The following PC variants were observed in gnomAD, a reference collection of about 807,000 sequenced individuals.
PC encodes pyruvate carboxylase, also known as pyruvate carboxylase, mitochondrial.
In PC, 46 loss-of-function variants were observed where a neutral mutation model predicts 107.8. The observed-to-expected ratio is 0.43, with a 90% confidence interval of 0.34 to 0.55. The LOEUF (loss-of-function observed/expected upper bound fraction) is 0.55. Ranked by LOEUF, PC falls within the 20% of genes least tolerant of loss-of-function variation. The pLI is 0.04. For synonymous variants in PC, 662 were observed against 684.7 expected (o/e 0.97, Z 0.52); for missense variants, 1,241 against 1,643.1 (o/e 0.76, Z 4.23).
chr11:66,950,821 T>C (rs1949416979), intron 3 of PC, among the ~76,000 whole-genome samples: 1 of 152,122 alleles, frequency 6.6e-6, no homozygotes, highest in Admixed American at 6.6e-5. Context: ...TTCAGTTCCA[T>C]AAGACAAGTG....
intron 3 of PC, among the ~76,000 whole-genome samples, chr11:66,946,430 A>G (rs187736119): frequency 6.6e-6 from 1 of 152,188 alleles, no homozygotes; most frequent in Admixed American, 6.6e-5. Flanking sequence ...GGAGTTCGAG[A>G]TCAGCCTGGC....
At position 66,937,240 on chromosome 11, in the gene PC, T is replaced by C. The variant is rs574410206; in HGVS notation, c.-1+15190A>G. 2.0e-5 allele frequency among the ~76,000 whole-genome samples: 3 copies of C among 152,276 alleles called. No homozygotes were observed. In the South Asian group the frequency reaches 6.2e-4, roughly 32 times the overall value. On this transcript the variant is annotated intron_variant, in intron 3 of 22. Coordinates refer to ENST00000393960, the MANE Select transcript of PC (RefSeq NM_001040716.2). ...CCTGAAGACAAAGAGGTCAGGACCA[T>C]CTAAGACTCAAAAGTCCAATAATTA...
chr11:66,870,596 C>T lies in PC; in HGVS notation c.752-143G>A. 1 of 1,172,562 alleles carries T rather than the reference C, an allele frequency of 8.5e-7. No individual in the cohort carries two copies. The highest frequency in any genetic ancestry group is 1.2e-6 in the Non-Finnish European group (1 of 801,110). 72.6% of individuals were successfully genotyped at this position (1,172,562 alleles called of 1,614,324 possible). On this transcript the variant is annotated intron_variant, in intron 8 of 22. Coordinates refer to ENST00000393960, the MANE Select transcript of PC (RefSeq NM_001040716.2). This position sits in a 1 kb window ranked among gnomAD's most constrained non-coding sequence, Gnocchi z 6.1. ...GCTGCCAGGAGAGACACCAGCATCA[C>T]CAAGGCTGTGAGGACCAACTGCCAG...
intron 3 of PC, among the ~76,000 whole-genome samples, chr11:66,940,607 C>T (rs542832547): frequency 2.0e-5 from 3 of 151,662 alleles, no homozygotes; most frequent in African/African-American, 7.3e-5. Context: ...AGGATCACTG[C>T]AGCCCAGGAG....
chr11:66,954,958 ACAGAAAACGTTGAC>A (rs1253068014), intron 1 of PC, among the ~76,000 whole-genome samples: 1 of 151,416 alleles, frequency 6.6e-6, no homozygotes, highest in Admixed American at 6.6e-5. Flanking sequence ...AAAAAAAAAC[ACAGAAAACGTTGAC>A]CTGAACGAGG....
chr11:66,887,098 G>A (rs1482317089), intron 3 of PC, among the ~76,000 whole-genome samples: 1 of 152,174 alleles, frequency 6.6e-6, no homozygotes, highest in Non-Finnish European at 1.5e-5. Context: ...TCTTTTCCAG[G>A]CAGCGAACTG....
intron 3 of PC, among the ~76,000 whole-genome samples, chr11:66,922,759 A>G (rs945356645): frequency 6.6e-6 from 1 of 152,180 alleles, no homozygotes; most frequent in African/African-American, 2.4e-5. Context: ...CAGCTGGAGA[A>G]GATGAGGCTT....
At chr11:66,956,746 C>T (rs1157056872) in intron 1 of PC, among the ~76,000 whole-genome samples, 1 of 152,208 alleles carries the variant, frequency 6.6e-6, no homozygotes, top group Non-Finnish European at 1.5e-5. Flanking sequence ...CCTTCCAGGC[C>T]ATTTCTCCTC....
chr11:66,869,099 A>T (rs1050307373), intron 9 of PC, 135 bp from the exon 10 acceptor site: 18 of 687,004 alleles, frequency 2.6e-5, no homozygotes, highest in Non-Finnish European at 4.6e-5. Context: ...CCCTGCCCCC[A>T]CAGATGGCAG....
chr11:66,891,843 G>A (rs149357989), intron 3 of PC, among the ~76,000 whole-genome samples: 52 of 152,284 alleles, frequency 3.4e-4, no homozygotes, highest in Admixed American at 5.9e-4. Context: ...TGTCAACCTT[G>A]TAGTATAAAA....
chr11:66,911,814 T>C (rs769205078), intron 3 of PC, among the ~76,000 whole-genome samples: 4 of 152,032 alleles, frequency 2.6e-5, no homozygotes, highest in African/African-American at 4.8e-5. Flanking sequence ...AGGCAGATCA[T>C]AAGGTCAGGA....
intron 3 of PC, among the ~76,000 whole-genome samples, chr11:66,941,530 C>A (rs933792549): frequency 6.6e-6 from 1 of 152,028 alleles, no homozygotes; most frequent in East Asian, 1.9e-4. Context: ...CTTGCTCTGT[C>A]GCCCAGGCTG....
intron 3 of PC, among the ~76,000 whole-genome samples, chr11:66,946,056 G>A (rs1043445448): frequency 2.1e-5 from 3 of 141,392 alleles, no homozygotes; most frequent in South Asian, 2.2e-4. Flanking sequence ...ACTGCAGTCC[G>A]CAGTCCGGCC....
At chr11:66,901,176 G>A (rs1398998585) in intron 3 of PC, among the ~76,000 whole-genome samples, 5 of 152,116 alleles carry the variant, frequency 3.3e-5, no homozygotes, top group South Asian at 2.1e-4. Context: ...CCTGGTTGGC[G>A]GCCTCCCTGT....
rs1945452033 is a variant in PC, at chr11:66,850,963, A to G, written c.2224-40T>C. The G allele has an allele frequency of 1.9e-6, 3 of 1,607,788 alleles. No individual in the cohort carries two copies. In the East Asian group the frequency reaches 6.7e-5, roughly 36 times the overall value. On this transcript the variant is annotated intron_variant, in intron 17 of 22. Coordinates refer to ENST00000393960, the MANE Select transcript of PC (RefSeq NM_001040716.2). ...AGAGAGAGAGAGAGAGATGGTAGAG[A>G]GGGCAGGATGTGTGCCTGTGGGTGG...
At chr11:66,903,763 A>AT (rs1302628112) in intron 3 of PC, among the ~76,000 whole-genome samples, 2 of 123,474 alleles carry the variant, frequency 1.6e-5, no homozygotes, top group African/African-American at 3.0e-5. Context: ...AAAAAAAAAA[A>AT]AAAAAAAAAA....
At chr11:66,880,342 G>C (rs1284626092) in intron 3 of PC, among the ~76,000 whole-genome samples, 2 of 152,296 alleles carry the variant, frequency 1.3e-5, no homozygotes, top group East Asian at 3.9e-4. Context: ...GGTTCAAAGG[G>C]AGGAGCTGGG....
At chr11:66,915,646 G>A (rs1024468523) in intron 3 of PC, among the ~76,000 whole-genome samples, 2 of 152,208 alleles carry the variant, frequency 1.3e-5, no homozygotes, top group African/African-American at 4.8e-5. Context: ...ATGGAGGGGT[G>A]TACCAGGGCC....
At chr11:66,952,092 C>A (rs1263637552) in intron 3 of PC, among the ~76,000 whole-genome samples, 1 of 152,136 alleles carries the variant, frequency 6.6e-6, no homozygotes, top group Non-Finnish European at 1.5e-5. Context: ...GCTCTCCATG[C>A]TGACTCAAGG....
Sources: gnomAD v4.1 joint callset for allele counts (sites outside exome capture counted in the v4.1 genomes callset) on GRCh38, gnomAD v4.1.1 for gene constraint, Gnocchi (gnomAD v3.1) non-coding constraint, MANE v1.5 for transcripts, NCBI Gene and HGNC (gene_info 2026-07-23, HGNC 2026-07-21) for gene names.